INTS6L: variants seen among roughly 807,000 people sequenced by gnomAD.
The protein encoded by INTS6L is integrator complex subunit 6-like.
INTS6L carries 18 observed loss-of-function variants against 64.7 expected under a neutral mutation model. The ratio of observed to expected loss-of-function variants is 0.28; its 90% CI spans 0.19 to 0.41. The LOEUF (loss-of-function observed/expected upper bound fraction) is 0.41. INTS6L is among the 10% of genes least tolerant of loss of function. INTS6L has a pLI of 1.00. For missense variants in INTS6L, 533 were observed against 661.0 expected (o/e 0.81, Z 2.12); for synonymous variants, 227 against 235.9 (o/e 0.96, Z 0.34).
At chrX:135,575,001 T>C in intron 13 of INTS6L, 83 bp from the exon 14 acceptor site, 1 of 1,081,850 alleles carries the variant, frequency 9.2e-7, no homozygotes. Context: ...CACACACTGC[T>C]AAACCAAACT....
At chrX:135,530,592 T>C (rs2085881164) in intron 2 of INTS6L, among the ~76,000 whole-genome samples, 1 of 112,540 alleles carries the variant, frequency 8.9e-6, no homozygotes, top group African/African-American at 3.2e-5. Context: ...ATCCACAGCC[T>C]CTGGAGGAGG....
chrX:135,548,161 T>C lies in INTS6L; in HGVS notation c.742+896T>C, dbSNP rs782053562. The stretch of plus-strand genomic sequence containing the variant: ...ACGAAGAACAAAGGGGTCAAATGCA[T>C]AAGGGCAGAAAGCTACACATTTCTG... On this transcript the variant is annotated intron_variant, in intron 6 of 17. Coordinates refer to ENST00000639893, the MANE Select transcript of INTS6L (RefSeq NM_001351601.3). 8.1e-5 allele frequency among the ~76,000 whole-genome samples: 9 copies of C among 110,885 alleles called. No homozygotes were observed. The East Asian group carries it at 2.3e-3, about 28-fold the overall frequency.
intron 4 of INTS6L, 87 bp downstream of exon 4, chrX:135,546,556 G>A (rs2086361531): frequency 2.0e-6 from 2 of 997,914 alleles, no homozygotes; most frequent in South Asian, 5.2e-5. Flanking sequence ...TTAACAGTAA[G>A]TTTGGTCAAA....
Position 135,556,341 on chromosome X carries a change from A to T in INTS6L, c.1192+41A>T, listed in dbSNP as rs373393264. On this transcript the variant is annotated intron_variant, in intron 9 of 17. Coordinates refer to ENST00000639893, the MANE Select transcript of INTS6L (RefSeq NM_001351601.3). ...GCCACTGAATCATCTTTAAAATACA[A>T]CAGAAATGAAAAATCGATAATAGAC... 6.4e-5 allele frequency: 69 copies of T among 1,072,925 alleles called. 1 individual carries two copies. In the African/African-American group the frequency reaches 1.2e-3, roughly 19 times the overall value. 88.4% of individuals were successfully genotyped at this position (1,072,925 alleles called of 1,213,427 possible).
chrX:135,520,981 G>A lies in INTS6L; in HGVS notation c.-12G>A. On this transcript the variant is annotated 5_prime_UTR_variant, in exon 1 of 18. It adds an upstream start codon to the 5' untranslated region. Transcript: ENST00000639893. Reference sequence around the variant, plus strand: ...GGGAGAGTGGGGAGCGGAGGCAGGAGTGCGGGGGAAGATGCCCATCCTGCT... The same window carrying A: ...GGGAGAGTGGGGAGCGGAGGCAGGAATGCGGGGGAAGATGCCCATCCTGCT... 8.3e-7 allele frequency: 1 copy of A among 1,206,664 alleles called. No homozygotes were observed.
intron 2 of INTS6L, among the ~76,000 whole-genome samples, chrX:135,531,634 C>T (rs2085912250): frequency 1.8e-5 from 2 of 112,106 alleles, no homozygotes; most frequent in South Asian, 7.4e-4. Context: ...TAACTGGACT[C>T]CCAAGTGCCT....
chrX:135,574,157 A>G, intron 13 of INTS6L, 95 bp downstream of exon 13: 2 of 964,391 alleles, frequency 2.1e-6, no homozygotes, highest in South Asian at 2.7e-5. Context: ...AGGCTATTTT[A>G]TAGTATTTTA....
intron 2 of INTS6L, among the ~76,000 whole-genome samples, chrX:135,540,716 G>GCTCCTCCTCCTC (rs149159206): frequency 1.1e-4 from 11 of 97,326 alleles, no homozygotes; most frequent in South Asian, 5.3e-4. Flanking sequence ...CCTCCTAGCT[G>GCTCCTCCTCCTC]CTCCTCCTCC....
chrX:135,546,350 T>C (rs2086355463), intron 3 of INTS6L, 30 bp from the exon 4 acceptor site: 1 of 922,659 alleles, frequency 1.1e-6, no homozygotes. Flanking sequence ...TTACTTTACA[T>C]GGCTCTAATG....
At chrX:135,541,398 T>G (rs893278660) in intron 2 of INTS6L, among the ~76,000 whole-genome samples, 3 of 112,659 alleles carry the variant, frequency 2.7e-5, no homozygotes, top group Non-Finnish European at 1.9e-5. Context: ...CATTTCAACA[T>G]GTAATCAATA....
intron 2 of INTS6L, among the ~76,000 whole-genome samples, chrX:135,522,124 T>A (rs781803054): frequency 1.8e-5 from 2 of 111,868 alleles, no homozygotes; most frequent in Admixed American, 1.9e-4. Context: ...AGCCCCGCTC[T>A]CAGTTACCTT....
At chrX:135,524,003 G>T (rs147529214) in intron 2 of INTS6L, among the ~76,000 whole-genome samples, 2 of 111,659 alleles carry the variant, frequency 1.8e-5, no homozygotes, top group African/African-American at 6.5e-5. Flanking sequence ...ACATGTTCTA[G>T]AAAAAGGTTA....
chrX:135,521,213 A>T, intron 1 of INTS6L, 28 bp from the exon 2 acceptor site: 1 of 1,196,068 alleles, frequency 8.4e-7, no homozygotes, highest in Non-Finnish European at 1.1e-6. Context: ...TTCCTACGCG[A>T]CCCCCTCCGT....
chrX:135,548,289 A>G (rs965586566), intron 6 of INTS6L, among the ~76,000 whole-genome samples: 2 of 110,602 alleles, frequency 1.8e-5, no homozygotes, highest in African/African-American at 6.6e-5. Context: ...GTTGGAAAAA[A>G]TATAGACCCC....
intron 2 of INTS6L, among the ~76,000 whole-genome samples, chrX:135,521,862 C>G (rs2085582455): frequency 9.2e-6 from 1 of 109,175 alleles, no homozygotes; most frequent in Non-Finnish European, 1.9e-5. Context: ...CCTTCCTCCC[C>G]CGGTCTTCCT....
Position 135,579,859 on chromosome X carries a change from T to C in INTS6L, c.2191T>C (p.Ser731Pro), listed in dbSNP as rs2087326868. The C allele has an allele frequency of 1.7e-6, 2 of 1,210,805 alleles. No individual in the cohort carries two copies. The highest frequency in any genetic ancestry group is 3.5e-5 in the African/African-American group (2 of 57,737). ...TCAGATCACACCTGATGGCTTCCTG[T>C]CAAAATCTGCTCCATCAGAGCTTAT... Reference protein sequence around the residue: ...NGQITPDGFLSKSAPSELINM... With the variant: ...NGQITPDGFLPKSAPSELINM... The change falls in exon 16 of 18, where the codon TCA becomes CCA. Residue 731 changes from serine (S) to proline (P), a missense_variant. Ser to Pro is a moderately conservative substitution (Grantham distance 74). Coordinates refer to ENST00000639893, the MANE Select transcript of INTS6L (RefSeq NM_001351601.3).
intron 8 of INTS6L, among the ~76,000 whole-genome samples, chrX:135,553,483 T>A (rs5930732): frequency 3.3e-5 from 3 of 92,058 alleles, no homozygotes; most frequent in East Asian, 6.4e-4. Flanking sequence ...TTTTTTAAAT[T>A]TTTTTTTTTT....
rs782098244 is a variant in INTS6L, at chrX:135,577,398, A to G, written c.2090A>G (p.Asn697Ser). 4 of 1,211,386 alleles carry G rather than the reference A, an allele frequency of 3.3e-6. No homozygotes were observed. In the Admixed American group the frequency reaches 8.7e-5, roughly 26 times the overall value. The change falls in exon 15 of 18, where the codon AAC becomes AGC. Residue 697 changes from asparagine to serine, a missense_variant. Coordinates refer to ENST00000639893, the MANE Select transcript of INTS6L (RefSeq NM_001351601.3). ...GCCTCGTGGTTCCCATCTTATCCAAACCTCATAAAACCCACCCTTGTACAT... is the reference window on the plus strand; with the variant it reads ...GCCTCGTGGTTCCCATCTTATCCAAGCCTCATAAAACCCACCCTTGTACAT... ...PSASWFPSYP[N>S]LIKPTLVHTD...
At chrX:135,570,031 G>T (rs2087054438) in intron 10 of INTS6L, 1 of 117,528 alleles carries the variant, frequency 8.5e-6, no homozygotes, top group African/African-American at 3.2e-5. Flanking sequence ...TAACCTTTAA[G>T]CGAAGTTTCT....
Sources: gnomAD v4.1 joint callset for allele counts (sites outside exome capture counted in the v4.1 genomes callset) on GRCh38, gnomAD v4.1.1 for gene constraint, MANE v1.5 for transcripts, NCBI Gene and HGNC (gene_info 2026-07-23, HGNC 2026-07-21) for gene names.